SYNRG: variants seen among roughly 807,000 people sequenced by gnomAD.
The protein encoded by SYNRG is AP1 gamma subunit binding protein 1.
A neutral mutation model predicts 130.9 loss-of-function variants in SYNRG; 37 were observed. That is an observed-to-expected ratio of 0.28 (90% CI 0.22 to 0.37). The LOEUF is 0.37. SYNRG is among the 10% of genes least tolerant of loss of function. SYNRG has a pLI of 1.00. For synonymous variants in SYNRG, 539 were observed against 568.1 expected, an observed-to-expected ratio of 0.95 and a Z score of 0.73; for missense variants, 1,338 against 1,588.9, an observed-to-expected ratio of 0.84 and a Z score of 2.68.
At position 37,561,515 on chromosome 17, in the gene SYNRG, C is replaced by T; in HGVS notation, c.1556G>A (p.Gly519Glu). ...TTCAGAGGACTTGTCAGCTGCAATT[C>T]CTTTAAACACAGCATATTTGTCCAT... ...PSMDKYAVFK[G>E]IAADKSSENT... is the part of the protein sequence containing the mutation. The change falls in exon 12 of 22, where the codon GGA (glycine) becomes GAA (glutamate). Residue 519 changes from glycine (G) to glutamate (E), a missense_variant. By Grantham distance (98) the Gly-to-Glu change is moderately conservative. This residue lies in a region of SYNRG where 1,146 missense variants were observed against 1,342.3 expected (regional missense o/e 0.85). Transcript: ENST00000612223. The T allele has an allele frequency of 6.2e-7, 1 of 1,613,798 alleles. No homozygotes were observed. The highest frequency in any genetic ancestry group is 1.7e-5 in the Admixed American group (1 of 60,012).
intron 13 of SYNRG, among the ~76,000 whole-genome samples, chr17:37,556,083 T>C (rs184088628): frequency 1.3e-5 from 2 of 152,228 alleles, no homozygotes; most frequent in African/African-American, 4.8e-5. Flanking sequence ...TAAGAGCATA[T>C]CAATAATAAA....
At chr17:37,582,065 C>T (rs2061380347) in intron 6 of SYNRG, among the ~76,000 whole-genome samples, 2 of 152,148 alleles carry the variant, frequency 1.3e-5, no homozygotes, top group African/African-American at 4.8e-5. Flanking sequence ...ACCTGGCCTC[C>T]CCACATTTTA....
intron 14 of SYNRG, among the ~76,000 whole-genome samples, chr17:37,542,796 T>C (rs1207613783): frequency 2.0e-5 from 3 of 152,206 alleles, no homozygotes; most frequent in African/African-American, 4.8e-5. Flanking sequence ...ACCATTTTCT[T>C]TGGCTATAAA....
intron 19 of SYNRG, among the ~76,000 whole-genome samples, chr17:37,524,181 T>C (rs1336241993): frequency 6.6e-6 from 1 of 152,196 alleles, no homozygotes; most frequent in Non-Finnish European, 1.5e-5. Flanking sequence ...TGACCCAGGA[T>C]GATGGCAAAT....
intron 19 of SYNRG, among the ~76,000 whole-genome samples, chr17:37,523,358 C>G (rs1366573863): frequency 6.6e-6 from 1 of 152,116 alleles, no homozygotes; most frequent in African/African-American, 2.4e-5. Flanking sequence ...TGAGGTCTCG[C>G]TATGTTGCCC....
intron 13 of SYNRG, among the ~76,000 whole-genome samples, chr17:37,556,161 G>C (rs2059106445): frequency 6.6e-6 from 1 of 152,040 alleles, no homozygotes; most frequent in Admixed American, 6.6e-5. Flanking sequence ...AAAATATACT[G>C]TGCTTGGGCC....
At chr17:37,563,265 G>C (rs973910597) in intron 11 of SYNRG, among the ~76,000 whole-genome samples, 1 of 152,130 alleles carries the variant, frequency 6.6e-6, no homozygotes, top group African/African-American at 2.4e-5. Flanking sequence ...AAATACTCAA[G>C]TGAGAAAGGC....
chr17:37,545,662 T>A (rs2058218514), intron 14 of SYNRG, among the ~76,000 whole-genome samples: 1 of 152,196 alleles, frequency 6.6e-6, no homozygotes, highest in South Asian at 2.1e-4. Context: ...ATGATACGCC[T>A]GTAACATCTT....
chr17:37,534,849 G>A (rs1357084365), intron 19 of SYNRG, among the ~76,000 whole-genome samples: 2 of 151,872 alleles, frequency 1.3e-5, no homozygotes, highest in African/African-American at 2.4e-5. Context: ...AATTAGAACT[G>A]CTTCCTCCCA....
intron 19 of SYNRG, among the ~76,000 whole-genome samples, chr17:37,527,108 A>T (rs915598362): frequency 6.6e-6 from 1 of 152,264 alleles, no homozygotes; most frequent in Admixed American, 6.5e-5. Context: ...TCAATTTCAC[A>T]TTGAAAGGAA....
chr17:37,553,599 C>T lies in SYNRG; in HGVS notation c.2124G>A (p.Pro708=), dbSNP rs2058874101. The change falls in exon 14 of 22, where the codon CCG becomes CCA. Residue 708 remains proline, a synonymous_variant. Transcript: ENST00000612223. ...SNSSISSEQK[P]DDKYDALKEE... ...CTTTAAGGGCATCATATTTGTCATC[C>T]GGCTTTTGCTCAGATGAAATAGAGC... The T allele has an allele frequency of 7.4e-6, 12 of 1,614,014 alleles. No homozygotes were observed. The highest frequency in any genetic ancestry group is 3.3e-5 in the South Asian group (3 of 91,048).
chr17:37,569,733 G>C (rs1011449132), intron 10 of SYNRG, among the ~76,000 whole-genome samples: 1 of 149,624 alleles, frequency 6.7e-6, no homozygotes, highest in Non-Finnish European at 1.5e-5. Flanking sequence ...TATCATGCAT[G>C]TTTGCAAATT....
chr17:37,535,997 C>CATG lies in SYNRG; in HGVS notation c.3645_3647dup (p.Phe1215_Met1216insIle). The CATG allele has an allele frequency of 1.9e-6, 3 of 1,613,940 alleles. No individual in the cohort carries two copies. The highest frequency in any genetic ancestry group is 1.7e-6 in the Non-Finnish European group (2 of 1,179,968). On this transcript the variant is annotated inframe_insertion, in exon 19 of 22. Coordinates refer to ENST00000612223, the MANE Select transcript of SYNRG (RefSeq NM_007247.6). The stretch of plus-strand genomic sequence containing the variant: ...GGCTTACTGTGAGTGTGGCGAGTGA[C>CATG]ATGAAGCCGATTAGGTTATTCCATA...
chr17:37,588,637 T>G (rs1394139412), intron 3 of SYNRG, among the ~76,000 whole-genome samples: 4 of 152,226 alleles, frequency 2.6e-5, no homozygotes, highest in Non-Finnish European at 5.9e-5. Context: ...ATTGCTAACA[T>G]TCTCTATTCT....
intron 19 of SYNRG, among the ~76,000 whole-genome samples, chr17:37,534,101 A>ATT (rs747899902): frequency 7.3e-6 from 1 of 137,618 alleles, no homozygotes; most frequent in African/African-American, 2.7e-5. Context: ...TGGCCAGCTA[A>ATT]TTTTTTTTTT....
In SYNRG at chr17:37,539,183, C is replaced by T; in HGVS notation, c.3420+9G>A. The T allele has an allele frequency of 6.2e-7, 1 of 1,614,040 alleles. No individual in the cohort carries two copies. The highest frequency in any genetic ancestry group is 2.2e-5 in the East Asian group (1 of 44,880). On this transcript the variant is annotated intron_variant, in intron 17 of 21. Transcript: ENST00000612223. The stretch of plus-strand genomic sequence containing the variant: ...CACATATGTGTGAACGCGTAAGTGA[C>T]ATACTCACATTCAGGGCACTCCCCA...
rs576246567 is a variant in SYNRG, at chr17:37,574,586, G to A, written c.901+1755C>T. ...AGCTAATAATCTGATTTTAAAATGG[G>A]CAAGACAACTGAACAGGCATTTCTC... On this transcript the variant is annotated intron_variant, in intron 8 of 21. Transcript: ENST00000612223. Among the ~76,000 whole-genome samples the A allele has an allele frequency of 7.2e-5, 11 of 152,184 alleles. No homozygotes were observed. In the South Asian group the frequency reaches 2.1e-3, roughly 29 times the overall value.
intron 2 of SYNRG, 70 bp from the exon 3 acceptor site, chr17:37,596,414 A>G: frequency 3.8e-6 from 6 of 1,561,918 alleles, no homozygotes; most frequent in Non-Finnish European, 5.2e-6. Flanking sequence ...ATAAGTACCT[A>G]AAGGACTTGT....
intron 13 of SYNRG, among the ~76,000 whole-genome samples, chr17:37,559,055 C>T (rs2059326378): frequency 6.6e-6 from 1 of 152,180 alleles, no homozygotes; most frequent in Non-Finnish European, 1.5e-5. Flanking sequence ...AACCATGCTA[C>T]TAATGAAGGA....
Sources: gnomAD v4.1 joint callset for allele counts (sites outside exome capture counted in the v4.1 genomes callset) on GRCh38, gnomAD v4.1.1 for gene constraint, gnomAD v4.1.1 regional missense constraint, MANE v1.5 for transcripts, NCBI Gene and HGNC (gene_info 2026-07-23, HGNC 2026-07-21) for gene names.